The following SAMD12 variants were observed in gnomAD, a reference collection of about 807,000 sequenced individuals.
SAMD12 encodes sterile alpha motif domain-containing protein 12.
In SAMD12, 9 loss-of-function variants were observed where a neutral mutation model predicts 15.0. The ratio of observed to expected loss-of-function variants is 0.60; its 90% CI spans 0.36 to 1.05. SAMD12 has a LOEUF of 1.05. SAMD12 is among the 50% of genes least tolerant of loss of function. SAMD12 has a pLI of 0.01. For synonymous variants in SAMD12, 86 were observed against 90.1 expected (o/e 0.96, Z 0.25); for missense variants, 230 against 234.2 (o/e 0.98, Z 0.12).
At chr8:118,212,158 A>G (rs1170030518) in intron 4 of SAMD12, among the ~76,000 whole-genome samples, 2 of 151,984 alleles carry the variant, frequency 1.3e-5, no homozygotes. Flanking sequence ...GGGTCTCACT[A>G]TGTGGCCCAG....
intron 4 of SAMD12, among the ~76,000 whole-genome samples, chr8:118,263,080 G>A (rs1349733545): frequency 6.6e-6 from 1 of 151,968 alleles, no homozygotes; most frequent in Non-Finnish European, 1.5e-5. Flanking sequence ...ATCAGTGCCT[G>A]CCACCCTTGT....
chr8:118,366,039 T>C (rs1563798964), intron 4 of SAMD12, among the ~76,000 whole-genome samples: 1 of 152,184 alleles, frequency 6.6e-6, no homozygotes, highest in Non-Finnish European at 1.5e-5. Context: ...ATATCTATCT[T>C]GCTTATCATA....
chr8:118,444,118 C>T (rs144116216), intron 2 of SAMD12, among the ~76,000 whole-genome samples: 1 of 152,124 alleles, frequency 6.6e-6, no homozygotes, highest in Non-Finnish European at 1.5e-5. Context: ...GGGCCTAAGC[C>T]TAAATAATAA....
intron 4 of SAMD12, among the ~76,000 whole-genome samples, chr8:118,364,135 C>T (rs908600272): frequency 6.6e-6 from 1 of 151,962 alleles, no homozygotes; most frequent in African/African-American, 2.4e-5. Context: ...TCTTCTTCCT[C>T]TCTTCTTTAT....
intron 2 of SAMD12, among the ~76,000 whole-genome samples, chr8:118,452,483 T>A: frequency 1.3e-5 from 2 of 152,300 alleles, no homozygotes; most frequent in South Asian, 4.1e-4. Flanking sequence ...TAGAAAAAAT[T>A]TTTGCTGAGA....
chr8:118,269,498 C>A (rs1294748056), intron 4 of SAMD12, among the ~76,000 whole-genome samples: 1 of 152,058 alleles, frequency 6.6e-6, no homozygotes, highest in African/African-American at 2.4e-5. Context: ...ACACCTTATG[C>A]CCAGGCCCCC....
intron 4 of SAMD12, among the ~76,000 whole-genome samples, chr8:118,333,353 T>C (rs1298887376): frequency 2.0e-5 from 3 of 152,184 alleles, no homozygotes; most frequent in African/African-American, 7.2e-5. Context: ...CCTTCTCATC[T>C]ACTTCCTACA....
At chr8:118,314,459 A>G (rs1455411341) in intron 4 of SAMD12, among the ~76,000 whole-genome samples, 1 of 152,132 alleles carries the variant, frequency 6.6e-6, no homozygotes, top group African/African-American at 2.4e-5. Context: ...ATTTTATCAC[A>G]TATGTGGCTT....
At chr8:118,498,012 A>C (rs966540828) in intron 2 of SAMD12, among the ~76,000 whole-genome samples, 14 of 152,230 alleles carry the variant, frequency 9.2e-5, no homozygotes, top group Non-Finnish European at 2.9e-5. Context: ...GGAAGTGGAA[A>C]GAATGAAACA....
chr8:118,147,269 C>T, the SAMD12 span, among the ~76,000 whole-genome samples: 1 of 151,146 alleles, frequency 6.6e-6, no homozygotes, highest in South Asian at 2.1e-4. Context: ...ATGTGATCCA[C>T]CCAGCTCAGC....
chr8:118,338,870 A>C (rs1313438606), intron 4 of SAMD12, among the ~76,000 whole-genome samples: 2 of 152,200 alleles, frequency 1.3e-5, no homozygotes, highest in Non-Finnish European at 2.9e-5. Context: ...TCCAAAACCC[A>C]AATGAATGTT....
intron 4 of SAMD12, among the ~76,000 whole-genome samples, chr8:118,198,245 G>C (rs1819620633): frequency 6.6e-6 from 1 of 152,184 alleles, no homozygotes; most frequent in African/African-American, 2.4e-5. Context: ...AGTCAGATTA[G>C]CTGGGAAGGT....
At chr8:118,351,455 G>T (rs1163576223) in intron 4 of SAMD12, among the ~76,000 whole-genome samples, 2 of 152,010 alleles carry the variant, frequency 1.3e-5, no homozygotes, top group Non-Finnish European at 2.9e-5. Context: ...CTTGCCCAAG[G>T]TCCTACAGTA....
At chr8:118,474,437 A>C (rs1823897296) in intron 2 of SAMD12, among the ~76,000 whole-genome samples, 1 of 151,570 alleles carries the variant, frequency 6.6e-6, no homozygotes. Context: ...CTGGAGTGCA[A>C]TGGTGCGATC....
intron 3 of SAMD12, among the ~76,000 whole-genome samples, chr8:118,384,277 T>A (rs541320222): frequency 6.6e-6 from 1 of 152,310 alleles, no homozygotes; most frequent in African/African-American, 2.4e-5. Flanking sequence ...CTTTGGATTT[T>A]ACTCTTCTGA....
chr8:118,615,722 C>T (rs1828223571), intron 1 of SAMD12, among the ~76,000 whole-genome samples: 2 of 152,186 alleles, frequency 1.3e-5, no homozygotes, highest in Admixed American at 1.3e-4. Flanking sequence ...AAAGGTTTCC[C>T]AGTTTCTGCT....
At chr8:118,251,869 A>T (rs1156623111) in intron 4 of SAMD12, among the ~76,000 whole-genome samples, 1 of 152,052 alleles carries the variant, frequency 6.6e-6, no homozygotes, top group African/African-American at 2.4e-5. Context: ...TGCTCAGCAT[A>T]ATCGACAGCT....
chr8:118,583,938 G>A (rs1227766937), intron 1 of SAMD12, among the ~76,000 whole-genome samples: 1 of 152,104 alleles, frequency 6.6e-6, no homozygotes, highest in Non-Finnish European at 1.5e-5. Flanking sequence ...TTCCATTCCT[G>A]AGTCCAGGAC....
intron 2 of SAMD12, among the ~76,000 whole-genome samples, chr8:118,449,982 TTC>T (rs1823030467): frequency 6.6e-6 from 1 of 152,124 alleles, no homozygotes; most frequent in African/African-American, 2.4e-5. Context: ...TGTCATTTAT[TTC>T]TCTCTGAAAC....
Sources: allele counts gnomAD v4.1 joint callset (sites outside exome capture counted in the v4.1 genomes callset), GRCh38; gene constraint gnomAD v4.1.1; transcripts MANE v1.5; gene names NCBI Gene and HGNC (gene_info 2026-07-23, HGNC 2026-07-21).